The following ABHD6 variants were observed in gnomAD, a reference collection of about 807,000 sequenced individuals.
The protein encoded by ABHD6 is abhydrolase domain containing 6, acylglycerol lipase, also known as monoacylglycerol lipase ABHD6.
ABHD6 carries 33 observed loss-of-function variants against 38.8 expected under a neutral mutation model. The ratio of observed to expected loss-of-function variants is 0.85; its 90% confidence interval spans 0.64 to 1.14. ABHD6 has a LOEUF of 1.14. ABHD6 is among the 50% of genes most tolerant of loss of function. ABHD6 has a pLI of 0.00. For missense variants in ABHD6, 380 were observed against 422.6 expected, an observed-to-expected ratio of 0.90 and a Z score of 0.88; for synonymous variants, 147 against 161.6, an observed-to-expected ratio of 0.91 and a Z score of 0.69.
intron 9 of ABHD6, among the ~76,000 whole-genome samples, chr3:58,289,876 A>G (rs1245598582): frequency 2.1e-5 from 1 of 46,640 alleles, no homozygotes; most frequent in African/African-American, 1.6e-4. Flanking sequence ...TGACCCCCCC[A>G]CCTCCCTCCC....
At chr3:58,286,842 G>GCATATATATATATA (rs1264959604) in intron 9 of ABHD6, among the ~76,000 whole-genome samples, 6 of 36,414 alleles carry the variant, frequency 1.6e-4, no homozygotes, top group Non-Finnish European at 3.1e-4. Flanking sequence ...GTGTGTGTGT[G>GCATATATATATATA]TGTGTGTGTG....
Position 58,257,134 on chromosome 3 carries a change from C to T in ABHD6, c.119+429C>T, listed in dbSNP as rs2097433938. ...TGTTGGCCAGGCTGGTCTCCAACTC[C>T]TGGCCTCAAGTGATCTTCCCATCTT... On this transcript the variant is annotated intron_variant, in intron 3 of 9. Transcript: ENST00000478253. This position sits in a 1 kb window ranked among gnomAD's most constrained non-coding sequence, Gnocchi z 4.8. 6.6e-6 allele frequency among the ~76,000 whole-genome samples: 1 copy of T among 152,154 alleles called. No homozygotes were observed.
rs530811031 is a variant in ABHD6, at chr3:58,259,681, A to G, written c.119+2976A>G. 6.6e-6 allele frequency among the ~76,000 whole-genome samples: 1 copy of G among 152,280 alleles called. No homozygotes were observed. The highest frequency in any genetic ancestry group is 2.4e-5 in the African/African-American group (1 of 41,566). On this transcript the variant is annotated intron_variant, in intron 3 of 9. Coordinates refer to ENST00000478253, the MANE Select transcript of ABHD6 (RefSeq NM_001320126.2). This position sits in a 1 kb window ranked among gnomAD's most constrained non-coding sequence, Gnocchi z 4.7. ...GGGTGACAGAGATGAGACTCTGTCT[A>G]AATAAATAAATAAATGAAACATAAA...
rs1486353791 is a variant in ABHD6, at chr3:58,259,371, G to A, written c.119+2666G>A. Among the ~76,000 whole-genome samples the A allele has an allele frequency of 6.6e-6, 1 of 152,126 alleles. No homozygotes were observed. Among genetic ancestry groups the A allele is most frequent in the East Asian group, 1.9e-4 (1 of 5,190 alleles). ...AAGTTAAAATTCACATAACATAAAA[G>A]TCACCATTTTAAAGTGTACAATTCA... On this transcript the variant is annotated intron_variant, in intron 3 of 9. Transcript: ENST00000478253. This position sits in a 1 kb window ranked among gnomAD's most constrained non-coding sequence, Gnocchi z 4.7.
intron 1 of ABHD6, among the ~76,000 whole-genome samples, chr3:58,248,504 G>A (rs975208019): frequency 1.3e-5 from 2 of 152,192 alleles, no homozygotes; most frequent in Non-Finnish European, 2.9e-5. Context: ...TCGAAGACCA[G>A]CCTGACCAAC....
At chr3:58,253,307 CA>C (rs1241460257) in intron 2 of ABHD6, among the ~76,000 whole-genome samples, 1 of 152,160 alleles carries the variant, frequency 6.6e-6, no homozygotes, top group Non-Finnish European at 1.5e-5. Flanking sequence ...TCTGAATTTA[CA>C]GTGGCCCCCA....
rs112736269 is a variant in ABHD6, at chr3:58,256,110, T to TAC, written c.-25-445_-25-444dup. 0.61 allele frequency among the ~76,000 whole-genome samples: 82,930 copies of TAC among 135,556 alleles called. 25,436 individuals carry two copies. The highest frequency in any genetic ancestry group is 0.84 in the African/African-American group (34,425 of 40,750). The allele number at this position is 135,556 out of a possible 152,430, so 88.9% of individuals were successfully genotyped here. On this transcript the variant is annotated intron_variant, in intron 2 of 9. Transcript: ENST00000478253. The surrounding 1 kb of genome is among the most constrained non-coding windows in gnomAD (Gnocchi z 4.3). ...ACACACACACACACACACACACACA[T>TAC]ACACACACTACTTTTTCTCTCCTGA...
chr3:58,293,496 C>T lies in ABHD6; in HGVS notation c.838-93C>T, dbSNP rs1333380361. ...TTCACATCCTCCTGCCCCACTGACCCCTGCCAGGCCTTGGTGGAAGTTCTG... is the reference window on the plus strand; with the variant it reads ...TTCACATCCTCCTGCCCCACTGACCTCTGCCAGGCCTTGGTGGAAGTTCTG... On this transcript the variant is annotated intron_variant, in intron 9 of 9. Coordinates refer to ENST00000478253, the MANE Select transcript of ABHD6 (RefSeq NM_001320126.2). This position sits in a 1 kb window ranked among gnomAD's most constrained non-coding sequence, Gnocchi z 4.4. 1 of 1,399,272 alleles carries T rather than the reference C, an allele frequency of 7.1e-7. No homozygotes were observed. The highest frequency in any genetic ancestry group is 2.4e-5 in the East Asian group (1 of 42,252). 86.7% of individuals were successfully genotyped at this position (1,399,272 alleles called of 1,614,324 possible). A position where few individuals can be genotyped will look rare whatever the true frequency, so the allele number is the denominator to read the frequency against.
rs1237275033 is a variant in ABHD6, at chr3:58,263,406, GA to G, written c.120-3777del. On this transcript the variant is annotated intron_variant, in intron 3 of 9. Coordinates refer to ENST00000478253, the MANE Select transcript of ABHD6 (RefSeq NM_001320126.2). This position sits in a 1 kb window ranked among gnomAD's most constrained non-coding sequence, Gnocchi z 4.9. ...ACTCCATCTCAAAAAAAAAAAAAAA[GA>G]AAAAATATTAGTTTTCCAGTTTCTT... Among the ~76,000 whole-genome samples the G allele has an allele frequency of 6.7e-6, 1 of 149,654 alleles. No individual in the cohort carries two copies. The highest frequency in any genetic ancestry group is 2.5e-5 in the African/African-American group (1 of 40,770).
intron 1 of ABHD6, among the ~76,000 whole-genome samples, chr3:58,240,093 A>C (rs2097421736): frequency 6.6e-6 from 1 of 151,950 alleles, no homozygotes; most frequent in Admixed American, 6.6e-5. Flanking sequence ...TCAAGGCTGC[A>C]GTGAGCTGAG....
intron 7 of ABHD6, 51 bp downstream of exon 7, chr3:58,274,866 C>T (rs996495701): frequency 1.6e-5 from 26 of 1,578,838 alleles, no homozygotes; most frequent in South Asian, 5.7e-5. Flanking sequence ...GGCCCGGGGG[C>T]GAGTACCAGC....
At chr3:58,270,610 C>T (rs553607829) in intron 5 of ABHD6, among the ~76,000 whole-genome samples, 37 of 152,078 alleles carry the variant, frequency 2.4e-4, no homozygotes, top group African/African-American at 8.7e-4. Context: ...AGAGGTTAGC[C>T]ATGATCACGC....
At chr3:58,247,615 C>T (rs2097427315) in intron 1 of ABHD6, among the ~76,000 whole-genome samples, 1 of 152,118 alleles carries the variant, frequency 6.6e-6, no homozygotes, top group Non-Finnish European at 1.5e-5. Context: ...CTCGCTCTGT[C>T]ACCCAGGCTG....
chr3:58,285,564 C>A lies in ABHD6; in HGVS notation c.837+111C>A. 1 of 947,584 alleles carries A rather than the reference C, an allele frequency of 1.1e-6. No homozygotes were observed. Among genetic ancestry groups the A allele is most frequent in the South Asian group, 1.5e-5 (1 of 67,424 alleles). The allele number at this position is 947,584 out of a possible 1,614,324, so 58.7% of individuals were successfully genotyped here. On this transcript the variant is annotated intron_variant, in intron 9 of 9. Coordinates refer to ENST00000478253, the MANE Select transcript of ABHD6 (RefSeq NM_001320126.2). This position sits in a 1 kb window ranked among gnomAD's most constrained non-coding sequence, Gnocchi z 4.9. Reference sequence around the variant, plus strand: ...TATGGAGTGAGCTGATCGCTGCTGTCAGGAAGAGGGGGAAGGCACCTGTGT... The same window carrying A: ...TATGGAGTGAGCTGATCGCTGCTGTAAGGAAGAGGGGGAAGGCACCTGTGT...
chr3:58,248,149 TA>T (rs1175683215), intron 1 of ABHD6, among the ~76,000 whole-genome samples: 1 of 152,216 alleles, frequency 6.6e-6, no homozygotes, highest in Non-Finnish European at 1.5e-5. Flanking sequence ...TGAGTTAATG[TA>T]CCTTGGAGGT....
At chr3:58,253,997 C>T (rs1313494261) in intron 2 of ABHD6, among the ~76,000 whole-genome samples, 1 of 152,180 alleles carries the variant, frequency 6.6e-6, no homozygotes, top group Non-Finnish European at 1.5e-5. Flanking sequence ...AGATGGAGAG[C>T]TCATATCTTC....
At position 58,274,861 on chromosome 3, in the gene ABHD6, G is replaced by C. The variant is rs758040703; in HGVS notation, c.681+46G>C. ...ACACAACTACCCTCCCCAGAGGCCC[G>C]GGGGCGAGTACCAGCTTCCTGCACG... On this transcript the variant is annotated intron_variant, in intron 7 of 9. Transcript: ENST00000478253. 2.5e-6 allele frequency: 4 copies of C among 1,588,374 alleles called. No individual in the cohort carries two copies. In the East Asian group the frequency reaches 9.0e-5, roughly 36 times the overall value.
intron 1 of ABHD6, among the ~76,000 whole-genome samples, chr3:58,240,982 T>A (rs2097422411): frequency 6.6e-6 from 1 of 152,018 alleles, no homozygotes; most frequent in African/African-American, 2.4e-5. Context: ...TGCCCGCCTC[T>A]ACCTCCCAAA....
At chr3:58,261,267 G>T (rs531351794) in intron 3 of ABHD6, among the ~76,000 whole-genome samples, 1 of 152,252 alleles carries the variant, frequency 6.6e-6, no homozygotes, top group African/African-American at 2.4e-5. Context: ...ATCTGACATT[G>T]TTTGCAGATG....
Sources: gnomAD v4.1 joint callset for allele counts (sites outside exome capture counted in the v4.1 genomes callset) on GRCh38, gnomAD v4.1.1 for gene constraint, Gnocchi (gnomAD v3.1) non-coding constraint, MANE v1.5 for transcripts, NCBI Gene and HGNC (gene_info 2026-07-23, HGNC 2026-07-21) for gene names.